Variants in LRRC8D observed in about 807,000 individuals in gnomAD.
LRRC8D encodes leucine rich repeat containing 8 VRAC subunit D.
Under a neutral mutation model 55.8 loss-of-function variants are expected in LRRC8D, and 20 were observed. The observed-to-expected ratio is 0.36, with a 90% CI of 0.25 to 0.52. The LOEUF (loss-of-function observed/expected upper bound fraction) is 0.52. Ranked by LOEUF, LRRC8D falls within the 20% of genes least tolerant of loss-of-function variation. LRRC8D has a pLI of 0.93. For missense variants in LRRC8D, 651 were observed against 1,030.8 expected (o/e 0.63, Z 5.05); for synonymous variants, 352 against 377.0 (o/e 0.93, Z 0.77).
chr1:89,863,566 A>G (rs1458253939), intron 2 of LRRC8D, among the ~76,000 whole-genome samples: 2 of 152,070 alleles, frequency 1.3e-5, no homozygotes, highest in African/African-American at 4.8e-5. Flanking sequence ...CAGAGAGCTC[A>G]TGGAAACCAA....
intron 2 of LRRC8D, among the ~76,000 whole-genome samples, chr1:89,897,731 A>C (rs1301245849): frequency 6.6e-6 from 1 of 152,216 alleles, no homozygotes; most frequent in Admixed American, 6.5e-5. Flanking sequence ...CTGAAAAAAA[A>C]ACTGATTTGC....
At chr1:89,917,982 C>G (rs1393738399) in intron 2 of LRRC8D, among the ~76,000 whole-genome samples, 1 of 152,158 alleles carries the variant, frequency 6.6e-6, no homozygotes, top group Admixed American at 6.5e-5. Context: ...GGAAATATGT[C>G]TGAATTTACT....
At chr1:89,844,602 C>T (rs756817922) in intron 2 of LRRC8D, among the ~76,000 whole-genome samples, 16 of 152,224 alleles carry the variant, frequency 1.1e-4, no homozygotes, top group Non-Finnish European at 2.4e-4. Context: ...TTCTCAAATT[C>T]ACCAGGTAGA....
chr1:89,828,708 A>G (rs1258060287), intron 1 of LRRC8D, among the ~76,000 whole-genome samples: 1 of 152,152 alleles, frequency 6.6e-6, no homozygotes, highest in Non-Finnish European at 1.5e-5. Flanking sequence ...CTTTTGGGGA[A>G]CGCTCATAAA....
chr1:89,860,285 G>A (rs866063646), intron 2 of LRRC8D, among the ~76,000 whole-genome samples: 21 of 152,298 alleles, frequency 1.4e-4, no homozygotes, highest in Middle Eastern at 3.4e-3. Context: ...CAGATCAATA[G>A]CATTTTAAAC....
chr1:89,883,368 G>C (rs1310943606), intron 2 of LRRC8D, among the ~76,000 whole-genome samples: 2 of 152,158 alleles, frequency 1.3e-5, no homozygotes, highest in Non-Finnish European at 2.9e-5. Context: ...TCTGATCTTC[G>C]TTGGATTAAA....
chr1:89,834,422 T>C (rs904250640), intron 1 of LRRC8D, among the ~76,000 whole-genome samples: 20 of 152,194 alleles, frequency 1.3e-4, no homozygotes, highest in African/African-American at 3.1e-4. Context: ...GTTGGTGTCA[T>C]TGGTGTTCCA....
At chr1:89,869,953 C>A (rs1456630786) in intron 2 of LRRC8D, among the ~76,000 whole-genome samples, 1 of 151,188 alleles carries the variant, frequency 6.6e-6, no homozygotes, top group Non-Finnish European at 1.5e-5. Context: ...ACTAAAAATA[C>A]AAAAATTAGC....
At chr1:89,904,811 T>G (rs924499832) in intron 2 of LRRC8D, among the ~76,000 whole-genome samples, 23 of 152,170 alleles carry the variant, frequency 1.5e-4, no homozygotes, top group Non-Finnish European at 2.5e-4. Context: ...TTGAACAGTT[T>G]TTTCCCTAAC....
At chr1:89,848,773 C>G (rs934368696) in intron 2 of LRRC8D, among the ~76,000 whole-genome samples, 1 of 151,958 alleles carries the variant, frequency 6.6e-6, no homozygotes, top group Non-Finnish European at 1.5e-5. Flanking sequence ...GATCTCGGCT[C>G]ACTGCAAGCT....
chr1:89,879,821 A>G (rs1318755356), intron 2 of LRRC8D, among the ~76,000 whole-genome samples: 4 of 152,190 alleles, frequency 2.6e-5, no homozygotes, highest in Non-Finnish European at 4.4e-5. Context: ...TTCATGAGGG[A>G]TAAAAACATA....
At chr1:89,923,411 T>TA (rs1413012948) in intron 2 of LRRC8D, among the ~76,000 whole-genome samples, 1 of 152,210 alleles carries the variant, frequency 6.6e-6, no homozygotes, top group African/African-American at 2.4e-5. Flanking sequence ...AACCTCAAGA[T>TA]ATGGATAGGA....
chr1:89,867,170 T>C (rs1661872563), intron 2 of LRRC8D, among the ~76,000 whole-genome samples: 1 of 152,176 alleles, frequency 6.6e-6, no homozygotes, highest in Non-Finnish European at 1.5e-5. Flanking sequence ...TCATTCTCCA[T>C]CCTTTTCAGT....
intron 2 of LRRC8D, among the ~76,000 whole-genome samples, chr1:89,853,855 C>T (rs776259610): frequency 7.9e-5 from 12 of 151,990 alleles, no homozygotes; most frequent in Non-Finnish European, 1.3e-4. Context: ...GGAGAGACAG[C>T]GAGAGAGCAC....
intron 2 of LRRC8D, among the ~76,000 whole-genome samples, 186 bp from the exon 3 acceptor site, chr1:89,932,881 T>A (rs1261616172): frequency 6.6e-6 from 1 of 152,204 alleles, no homozygotes; most frequent in Non-Finnish European, 1.5e-5. Flanking sequence ...TCTTTCCCTC[T>A]TCCCTTGCAC....
chr1:89,912,679 A>G (rs1663164191), intron 2 of LRRC8D, among the ~76,000 whole-genome samples: 1 of 152,058 alleles, frequency 6.6e-6, no homozygotes, highest in Non-Finnish European at 1.5e-5. Context: ...TCATTCTATC[A>G]TGTTATGTTT....
chr1:89,848,813 C>T (rs1661342257), intron 2 of LRRC8D, among the ~76,000 whole-genome samples: 1 of 152,050 alleles, frequency 6.6e-6, no homozygotes, highest in African/African-American at 2.4e-5. Flanking sequence ...CATTCTCCTG[C>T]CTCAGCCTCC....
At position 89,931,651 on chromosome 1, in the gene LRRC8D, C is replaced by T. The variant is rs1457392345; in HGVS notation, c.-2-1416C>T. ...GTGGATGCCTGTAGTCCCAGCTACTCGGGAGGCTGAGGCAGGAGAATCGCT... is the reference window on the plus strand; with the variant it reads ...GTGGATGCCTGTAGTCCCAGCTACTTGGGAGGCTGAGGCAGGAGAATCGCT... On this transcript the variant is annotated intron_variant, in intron 2 of 2. Coordinates refer to ENST00000337338, the MANE Select transcript of LRRC8D (RefSeq NM_001134479.2). Among the ~76,000 whole-genome samples, 6 of 152,054 alleles carry T rather than the reference C, an allele frequency of 3.9e-5. No homozygotes were observed. In the East Asian group the frequency reaches 1.2e-3, roughly 29 times the overall value.
chr1:89,905,812 G>A (rs1397489329), intron 2 of LRRC8D, among the ~76,000 whole-genome samples: 2 of 152,190 alleles, frequency 1.3e-5, no homozygotes, highest in African/African-American at 4.8e-5. Context: ...CAAAGAGGAC[G>A]AAGAGGAGGA....
Sources: gnomAD v4.1 joint callset for allele counts (sites outside exome capture counted in the v4.1 genomes callset) on GRCh38, gnomAD v4.1.1 for gene constraint, MANE v1.5 for transcripts, NCBI Gene and HGNC (gene_info 2026-07-23, HGNC 2026-07-21) for gene names.